Variants in FGGY observed in about 807,000 individuals in gnomAD.
FGGY encodes FGGY carbohydrate kinase domain-containing protein.
A neutral mutation model predicts 71.3 loss-of-function variants in FGGY; 72 were observed. The observed-to-expected ratio is 1.01, with a 90% CI of 0.84 to 1.23. The LOEUF (loss-of-function observed/expected upper bound fraction) is 1.23. FGGY is among the 50% of genes most tolerant of loss of function. The probability of loss-of-function intolerance (pLI) is 0.00; values close to 1 mark genes in which losing one functional copy is unlikely to be tolerated. For missense variants in FGGY, 668 were observed against 682.3 expected (o/e 0.98, Z 0.23); for synonymous variants, 251 against 250.3 (o/e 1.00, Z -0.02).
chr1:59,351,215 CTA>C lies in FGGY; in HGVS notation c.465+4819_465+4820del, dbSNP rs574756372. Among the ~76,000 whole-genome samples the C allele has an allele frequency of 1.6e-3, 240 of 152,338 alleles. 1 individual carries two copies. The highest frequency in any genetic ancestry group is 5.6e-3 in the African/African-American group (233 of 41,586). The stretch of plus-strand genomic sequence containing the variant: ...GACAGCTGAGTAGTTGAGACAGAGA[CTA>C]TGTCGCCTACAGGGCAGAATATATA... On this transcript the variant is annotated intron_variant, in intron 4 of 15. Coordinates refer to ENST00000303721, the MANE Select transcript of FGGY (RefSeq NM_018291.5).
chr1:59,534,759 T>G (rs970513183), intron 7 of FGGY, among the ~76,000 whole-genome samples: 5 of 151,636 alleles, frequency 3.3e-5, no homozygotes, highest in South Asian at 2.1e-4. Flanking sequence ...AGAAATAAAA[T>G]ACTTTACAGA....
intron 4 of FGGY, among the ~76,000 whole-genome samples, chr1:59,353,523 C>G (rs968452609): frequency 6.6e-6 from 1 of 152,062 alleles, no homozygotes; most frequent in African/African-American, 2.4e-5. Flanking sequence ...TTGAATCACC[C>G]ACATCCTATG....
intron 1 of FGGY, among the ~76,000 whole-genome samples, chr1:59,300,727 T>C (rs1392487998): frequency 6.6e-6 from 1 of 152,226 alleles, no homozygotes. Context: ...CAGCACTGTT[T>C]GCTGAAAAGC....
chr1:59,533,262 G>A (rs967772141), intron 7 of FGGY, among the ~76,000 whole-genome samples: 1 of 152,120 alleles, frequency 6.6e-6, no homozygotes, highest in Non-Finnish European at 1.5e-5. Context: ...TGGAAAATCG[G>A]GTGACTCCCA....
At chr1:59,588,454 A>T (rs2096357069) in intron 8 of FGGY, among the ~76,000 whole-genome samples, 2 of 152,056 alleles carry the variant, frequency 1.3e-5, no homozygotes, top group African/African-American at 2.4e-5. Context: ...CGCCACAAAG[A>T]TACTCCTCGA....
intron 9 of FGGY, among the ~76,000 whole-genome samples, chr1:59,623,351 T>A (rs6684335): frequency 0.077 from 11,718 of 152,234 alleles, 1,226 homozygotes; most frequent in African/African-American, 0.24. Flanking sequence ...TTATTCATCC[T>A]TATTTTCACC....
chr1:59,515,796 G>A (rs1199344419), intron 7 of FGGY, among the ~76,000 whole-genome samples: 1 of 152,202 alleles, frequency 6.6e-6, no homozygotes. Flanking sequence ...GTGTGGAACT[G>A]TAAGTCAAAT....
At chr1:59,365,373 A>G (rs1466472432) in intron 4 of FGGY, among the ~76,000 whole-genome samples, 2 of 152,172 alleles carry the variant, frequency 1.3e-5, no homozygotes, top group African/African-American at 4.8e-5. Context: ...CCCTGGTCCC[A>G]GTCTTTGACT....
At chr1:59,443,980 A>G (rs2070617236) in intron 5 of FGGY, among the ~76,000 whole-genome samples, 1 of 152,180 alleles carries the variant, frequency 6.6e-6, no homozygotes, top group Non-Finnish European at 1.5e-5. Context: ...AAAGGCTGAG[A>G]TCAAGCCTCA....
chr1:59,311,462 A>T (rs2044314091), intron 1 of FGGY, among the ~76,000 whole-genome samples: 3 of 150,986 alleles, frequency 2.0e-5, no homozygotes. Flanking sequence ...CTCATTGTTC[A>T]GCTCCCACTT....
Position 59,592,028 on chromosome 1 carries a change from G to A in FGGY, c.904-15775G>A, listed in dbSNP as rs568580300. ...ACCTACAAAATGGGTGAAAATTTTCGCAACCTACTCATCTGACAAAGGGCT... is the reference window on the plus strand; with the variant it reads ...ACCTACAAAATGGGTGAAAATTTTCACAACCTACTCATCTGACAAAGGGCT... On this transcript the variant is annotated intron_variant, in intron 8 of 15. Transcript: ENST00000303721. 1.1e-3 allele frequency among the ~76,000 whole-genome samples: 164 copies of A among 152,204 alleles called. 1 individual carries two copies. Among genetic ancestry groups the A allele is most frequent in the Non-Finnish European group, 1.8e-3 (122 of 68,010 alleles).
At chr1:59,346,947 C>CTTTTTTTTTTTTTTTTTTTT (rs71580898) in intron 4 of FGGY, among the ~76,000 whole-genome samples, 1 of 112,192 alleles carries the variant, frequency 8.9e-6, no homozygotes, top group Non-Finnish European at 1.9e-5. Context: ...AAAATCAATT[C>CTTTTTTTTTTTTTTTTTTTT]TTTTTTTTTT....
At chr1:59,601,010 G>T (rs2096572373) in intron 8 of FGGY, among the ~76,000 whole-genome samples, 1 of 139,252 alleles carries the variant, frequency 7.2e-6, no homozygotes, top group Non-Finnish European at 1.5e-5. Context: ...TGTACCATGT[G>T]GTGATCTAGG....
chr1:59,307,020 A>C (rs1338767049), intron 1 of FGGY, among the ~76,000 whole-genome samples: 1 of 152,168 alleles, frequency 6.6e-6, no homozygotes, highest in Non-Finnish European at 1.5e-5. Flanking sequence ...AAAGTCTATA[A>C]AATGAAGAAT....
At chr1:59,472,954 G>T (rs1421772232) in intron 6 of FGGY, among the ~76,000 whole-genome samples, 1 of 152,166 alleles carries the variant, frequency 6.6e-6, no homozygotes, top group Non-Finnish European at 1.5e-5. Flanking sequence ...TTTGTGTCTA[G>T]CTCAGGGATT....
intron 1 of FGGY, 53 bp from the exon 2 acceptor site, chr1:59,321,483 G>A: frequency 6.0e-6 from 9 of 1,508,778 alleles, no homozygotes; most frequent in Non-Finnish European, 7.3e-6. Context: ...TTTTGTGACT[G>A]TCTTTGCAGA....
At chr1:59,660,444 G>A (rs1306692917) in intron 12 of FGGY, 151 bp downstream of exon 12, 4 of 541,210 alleles carry the variant, frequency 7.4e-6, no homozygotes, top group East Asian at 6.3e-5. Flanking sequence ...TGTCTGGAAG[G>A]AAGTGTTGAT....
At chr1:59,746,088 T>C (rs1202838142) in intron 14 of FGGY, among the ~76,000 whole-genome samples, 4 of 152,112 alleles carry the variant, frequency 2.6e-5, no homozygotes, top group Non-Finnish European at 5.9e-5. Context: ...TCCAGGACAA[T>C]GATAAACCTC....
chr1:59,440,746 C>G (rs145426910), intron 5 of FGGY, among the ~76,000 whole-genome samples: 2 of 150,108 alleles, frequency 1.3e-5, no homozygotes, highest in African/African-American at 2.5e-5. Flanking sequence ...AATTAAGGCA[C>G]AGTGGAGGGG....
Sources: gnomAD v4.1 joint callset for allele counts (sites outside exome capture counted in the v4.1 genomes callset) on GRCh38, gnomAD v4.1.1 for gene constraint, MANE v1.5 for transcripts, NCBI Gene and HGNC (gene_info 2026-07-23, HGNC 2026-07-21) for gene names.